Variants in KIAA2012 observed in about 807,000 individuals in gnomAD.
The protein encoded by KIAA2012 is KIAA2012, also known as uncharacterized protein KIAA2012.
In KIAA2012, 125 loss-of-function variants were observed where a neutral mutation model predicts 150.6. The observed-to-expected ratio is 0.83, with a 90% CI of 0.72 to 0.96. The LOEUF (loss-of-function observed/expected upper bound fraction) is 0.96, where lower values mean the gene tolerates loss of function less well. KIAA2012 is among the 40% of genes least tolerant of loss of function. The pLI is 0.00. For synonymous variants in KIAA2012, 462 were observed against 504.7 expected (o/e 0.92, Z 1.13); for missense variants, 1,219 against 1,354.9 (o/e 0.90, Z 1.57).
Position 202,099,785 on chromosome 2 carries a change from C to T in KIAA2012, c.1001C>T (p.Ala334Val), listed in dbSNP as rs906449275. Residue 334 changes from alanine (A) to valine (V), a missense_variant, in exon 6 of 24, where the codon GCA becomes GTA. Physicochemically the swap from Ala to Val is moderately conservative, Grantham distance 64. Transcript: ENST00000498697. ...GGAGGCGCCTTCCCTAATAGGAAGG[C>T]AGATCTCAGCGGTAAGAACTCAAAT... ...FCGGAFPNRK[A>V]DLSDKQRNVK... 3.2e-6 allele frequency: 5 copies of T among 1,549,144 alleles called. No homozygotes were observed. In the African/African-American group the frequency reaches 5.5e-5, roughly 17 times the overall value.
In KIAA2012 at chr2:202,128,439, GT is replaced by G. The variant is rs138151145; in HGVS notation, c.1831+3169del. Among the ~76,000 whole-genome samples, 323 of 145,914 alleles carry G rather than the reference GT, an allele frequency of 2.2e-3. 2 individuals carry two copies. Among genetic ancestry groups the G allele is most frequent in the African/African-American group, 6.8e-3 (274 of 40,146 alleles). ...TGCCATCATGCCTGTCTTTTTGGGG[GT>G]TTTTTTTTTTTGGTAGAGATGGGGT... On this transcript the variant is annotated intron_variant, in intron 12 of 23. Transcript: ENST00000498697.
intron 22 of KIAA2012, among the ~76,000 whole-genome samples, chr2:202,201,050 A>C (rs553916185): frequency 6.6e-6 from 1 of 152,244 alleles, no homozygotes; most frequent in South Asian, 2.1e-4. Context: ...GTTTCCCTCC[A>C]AACCTAATTT....
intron 15 of KIAA2012, chr2:202,180,026 C>T (rs1692086333): frequency 2.2e-6 from 1 of 464,022 alleles, no homozygotes; most frequent in Non-Finnish European, 4.2e-6. Flanking sequence ...AATCTCAGCA[C>T]TTTGGGAGGC....
intron 18 of KIAA2012, among the ~76,000 whole-genome samples, 174 bp from the exon 19 acceptor site, chr2:202,190,000 G>A (rs1479922377): frequency 1.3e-5 from 2 of 151,956 alleles, no homozygotes; most frequent in Non-Finnish European, 2.9e-5. Context: ...CGAGGTGGGA[G>A]GATCACAAGC....
At chr2:202,078,374 A>T (rs1183011978) in intron 2 of KIAA2012, among the ~76,000 whole-genome samples, 1 of 152,174 alleles carries the variant, frequency 6.6e-6, no homozygotes, top group African/African-American at 2.4e-5. Context: ...CTGCGGCCTC[A>T]AACTCCTGGG....
intron 23 of KIAA2012, 69 bp downstream of exon 23, chr2:202,202,656 G>A (rs1692552150): frequency 1.0e-5 from 4 of 396,254 alleles, no homozygotes; most frequent in Non-Finnish European, 1.8e-5. Context: ...GGCCAGGCAC[G>A]GTGGCTCATG....
At chr2:202,155,426 A>G (rs1237961843) in intron 14 of KIAA2012, among the ~76,000 whole-genome samples, 1 of 152,084 alleles carries the variant, frequency 6.6e-6, no homozygotes, top group Non-Finnish European at 1.5e-5. Context: ...ATGCTCCATG[A>G]ATTGGCCCAT....
At chr2:202,146,576 A>T (rs1047841988) in intron 13 of KIAA2012, among the ~76,000 whole-genome samples, 2 of 148,546 alleles carry the variant, frequency 1.3e-5, no homozygotes, top group Non-Finnish European at 3.0e-5. Context: ...AGGTTGCAGT[A>T]AGCTGAGATT....
chr2:202,194,237 A>T lies in KIAA2012; in HGVS notation c.3062A>T (p.Glu1021Val), dbSNP rs1692368997. The T allele has an allele frequency of 6.4e-7, 1 of 1,550,560 alleles. No individual in the cohort carries two copies. The highest frequency in any genetic ancestry group is 8.7e-7 in the Non-Finnish European group (1 of 1,146,984). The change falls in exon 21 of 24, where the codon GAG becomes GTG. Residue 1021 changes from glutamate (E) to valine (V), a missense_variant. Physicochemically the swap from Glu to Val is moderately radical, Grantham distance 121 (BLOSUM62 -2). Transcript: ENST00000498697. Reference sequence around the variant, plus strand: ...GAAGAACAGCAGCGGCAGGAGGAGGAGGAGAGAAAGCAGCAGCTCCGGTTG... The same window carrying T: ...GAAGAACAGCAGCGGCAGGAGGAGGTGGAGAGAAAGCAGCAGCTCCGGTTG... The part of the protein sequence containing the change: ...LQEEQQRQEE[E>V]ERKQQLRLKA...
At chr2:202,150,205 G>A (rs192606934) in intron 13 of KIAA2012, among the ~76,000 whole-genome samples, 4 of 152,268 alleles carry the variant, frequency 2.6e-5, no homozygotes, top group Non-Finnish European at 4.4e-5. Context: ...AAGTATTTAC[G>A]CAATGCCTTC....
intron 14 of KIAA2012, among the ~76,000 whole-genome samples, chr2:202,162,928 C>CAAA (rs530486463): frequency 2.2e-5 from 2 of 90,212 alleles, no homozygotes; most frequent in African/African-American, 4.0e-5. Flanking sequence ...GACTCCGTCT[C>CAAA]AAAAAAAAAA....
chr2:202,130,370 G>C lies in KIAA2012; in HGVS notation c.1831+5088G>C, dbSNP rs546491292. Among the ~76,000 whole-genome samples, 7 of 152,266 alleles carry C rather than the reference G, an allele frequency of 4.6e-5. No individual in the cohort carries two copies. In the South Asian group the frequency reaches 1.4e-3, roughly 31 times the overall value. ...AGGATCTGCTGTTCATTTAGTGCAT[G>C]ATATGCATTAAGGGATCAGGACCTT... is the stretch of plus-strand genomic sequence containing the variant. On this transcript the variant is annotated intron_variant, in intron 12 of 23. Coordinates refer to ENST00000498697, the MANE Select transcript of KIAA2012 (RefSeq NM_001277372.4).
chr2:202,151,132 C>T (rs1002670554), intron 13 of KIAA2012, among the ~76,000 whole-genome samples: 4 of 152,238 alleles, frequency 2.6e-5, no homozygotes, highest in Non-Finnish European at 2.9e-5. Flanking sequence ...CACGGTGGCT[C>T]ACTCCTGTAA....
Position 202,201,485 on chromosome 2 carries a change from G to A in KIAA2012, c.3408-944G>A, listed in dbSNP as rs557954447. 31 of 1,601,190 alleles carry A rather than the reference G, an allele frequency of 1.9e-5. No homozygotes were observed. The East Asian group carries it at 6.5e-4, about 33-fold the overall frequency. On this transcript the variant is annotated intron_variant, in intron 22 of 23. Transcript: ENST00000498697. ...GCATGACTGCAAGCTGAGCAGCACT[G>A]GGAGGGCATCCAGGAGGTGGAGGAA...
intron 2 of KIAA2012, among the ~76,000 whole-genome samples, chr2:202,087,093 C>T (rs1689590592): frequency 6.6e-6 from 1 of 152,194 alleles, no homozygotes; most frequent in Non-Finnish European, 1.5e-5. Flanking sequence ...TATTGGAACA[C>T]AACCATGACC....
At chr2:202,139,963 CT>C (rs1235992546) in intron 13 of KIAA2012, among the ~76,000 whole-genome samples, 1 of 152,242 alleles carries the variant, frequency 6.6e-6, no homozygotes, top group Non-Finnish European at 1.5e-5. Context: ...GGTGCAGTGG[CT>C]CACGCCTGTA....
intron 13 of KIAA2012, among the ~76,000 whole-genome samples, chr2:202,145,147 A>G (rs184660402): frequency 1.3e-4 from 20 of 152,018 alleles, no homozygotes; most frequent in Admixed American, 9.8e-4. Context: ...CCCCATCAAG[A>G]GAAGTGCTCT....
At chr2:202,135,509 G>A (rs1691041189) in intron 12 of KIAA2012, among the ~76,000 whole-genome samples, 1 of 152,170 alleles carries the variant, frequency 6.6e-6, no homozygotes, top group South Asian at 2.1e-4. Flanking sequence ...AATGCAGTTT[G>A]AGTTGTGTCT....
At chr2:202,133,131 T>TATATATATATATA (rs1491511228) in intron 12 of KIAA2012, among the ~76,000 whole-genome samples, 1 of 83,648 alleles carries the variant, frequency 1.2e-5, no homozygotes, top group African/African-American at 4.1e-5. Flanking sequence ...TATATATATA[T>TATATATATATATA]TTTTTTTTTT....
Sources: allele counts gnomAD v4.1 joint callset (sites outside exome capture counted in the v4.1 genomes callset), GRCh38; gene constraint gnomAD v4.1.1; transcripts MANE v1.5; gene names NCBI Gene and HGNC (gene_info 2026-07-23, HGNC 2026-07-21).